Variants in RIMS1 observed in about 807,000 individuals in gnomAD.
RIMS1 encodes the protein regulating synaptic membrane exocytosis protein 1.
RIMS1 carries 83 observed loss-of-function variants against 214.1 expected under a neutral mutation model. The observed-to-expected ratio is 0.39, with a 90% CI of 0.32 to 0.47. The LOEUF (loss-of-function observed/expected upper bound fraction) is 0.47, where lower values mean the gene tolerates loss of function less well. Ranked by LOEUF, RIMS1 falls within the 20% of genes least tolerant of loss-of-function variation. RIMS1 has a pLI of 0.99. For synonymous variants in RIMS1, 793 were observed against 786.8 expected (o/e 1.01, Z -0.13); for missense variants, 2,050 against 2,161.8 (o/e 0.95, Z 1.03).
At position 71,984,364 on chromosome 6, in the gene RIMS1, A is replaced by T. The variant is rs570341928; in HGVS notation, c.245+15301A>T. ...ATCTTTGAAGGAAAAGAAAAAAAAA[A>T]ACTGTACTGCTGGAGCTACACTGTG... On this transcript the variant is annotated intron_variant, in intron 2 of 33. Transcript: ENST00000521978. Among the ~76,000 whole-genome samples the T allele has an allele frequency of 2.2e-4, 34 of 152,218 alleles. No homozygotes were observed. The South Asian group carries it at 6.8e-3, about 31-fold the overall frequency.
At chr6:72,235,788 T>C (rs996259360) in intron 8 of RIMS1, 60 bp downstream of exon 8, 4 of 877,888 alleles carry the variant, frequency 4.6e-6, no homozygotes, top group Admixed American at 3.3e-5. Context: ...TCTGCATTCA[T>C]CGGAGTTTCT....
At chr6:72,321,666 T>C (rs2096174430) in intron 28 of RIMS1, among the ~76,000 whole-genome samples, 1 of 152,120 alleles carries the variant, frequency 6.6e-6, no homozygotes, top group Admixed American at 6.6e-5. Context: ...CTAAGGGATC[T>C]TTTAGGTGTT....
chr6:72,257,611 C>T (rs917657941), intron 16 of RIMS1, among the ~76,000 whole-genome samples: 9 of 151,994 alleles, frequency 5.9e-5, no homozygotes, highest in Non-Finnish European at 1.2e-4. Flanking sequence ...ATCTGCTACT[C>T]TTCTTTGTTA....
At position 71,894,773 on chromosome 6, in the gene RIMS1, C is replaced by G. The variant is rs542041602; in HGVS notation, c.164+7586C>G. ...GTTATTTGTAATATTTTGATAATTC[C>G]TCTGATGTTTAGATAGTAAAATAAG... is the stretch of plus-strand genomic sequence containing the variant. On this transcript the variant is annotated intron_variant, in intron 1 of 33. Coordinates refer to ENST00000521978, the MANE Select transcript of RIMS1 (RefSeq NM_014989.7). Among the ~76,000 whole-genome samples the G allele has an allele frequency of 5.5e-4, 83 of 151,964 alleles. 1 individual carries two copies. Among genetic ancestry groups the G allele is most frequent in the Middle Eastern group, 3.2e-3 (1 of 316 alleles).
chr6:72,398,295 G>A lies in RIMS1; in HGVS notation c.4665G>A (p.Val1555=), dbSNP rs375475877. The A allele has an allele frequency of 4.3e-6, 7 of 1,609,368 alleles. No homozygotes were observed. Among genetic ancestry groups the A allele is most frequent in the African/African-American group, 1.3e-5 (1 of 74,820 alleles). The change falls in exon 32 of 34, where the codon GTG becomes GTA. Residue 1555 remains valine, a synonymous_variant. Transcript: ENST00000521978. The stretch of plus-strand genomic sequence containing the variant: ...AGGACAAAAAGGGCCAATTAGAAGT[G>A]GAAGTCATTAGAGCACGAAGCCTCA... ...GMEDKKGQLE[V]EVIRARSLTQ...
At chr6:72,368,401 A>G in intron 29 of RIMS1, among the ~76,000 whole-genome samples, 1 of 143,562 alleles carries the variant, frequency 7.0e-6, no homozygotes, top group Non-Finnish European at 1.5e-5. Context: ...TCACAGGTTC[A>G]CGCCATTCTC....
chr6:72,200,779 C>T (rs543623996), intron 6 of RIMS1, among the ~76,000 whole-genome samples: 1 of 151,876 alleles, frequency 6.6e-6, no homozygotes, highest in East Asian at 1.9e-4. Flanking sequence ...TTTCTTCTTA[C>T]TGTGGATATG....
chr6:72,262,190 C>T (rs1405286482), intron 19 of RIMS1: 4 of 913,728 alleles, frequency 4.4e-6, no homozygotes, highest in Non-Finnish European at 5.2e-6. Context: ...TTTTTCTTTC[C>T]CTTATTTTGT....
At chr6:72,353,204 C>T (rs1321520836) in intron 29 of RIMS1, among the ~76,000 whole-genome samples, 3 of 151,824 alleles carry the variant, frequency 2.0e-5, no homozygotes, top group East Asian at 1.9e-4. Flanking sequence ...AGGCTGGTCT[C>T]GAACTCCTGA....
intron 2 of RIMS1, among the ~76,000 whole-genome samples, chr6:72,042,681 T>C (rs939250953): frequency 1.3e-5 from 2 of 151,896 alleles, no homozygotes; most frequent in East Asian, 3.9e-4. Flanking sequence ...TTTTCCTCTG[T>C]TGAGGTTAAC....
At chr6:72,057,718 A>G (rs1472233093) in intron 2 of RIMS1, among the ~76,000 whole-genome samples, 1 of 152,060 alleles carries the variant, frequency 6.6e-6, no homozygotes, top group Non-Finnish European at 1.5e-5. Context: ...CGTGTTAACC[A>G]GGATGGTCCC....
chr6:72,153,181 A>G (rs1022280913), intron 4 of RIMS1, among the ~76,000 whole-genome samples: 3 of 149,478 alleles, frequency 2.0e-5, no homozygotes, highest in South Asian at 2.1e-4. Context: ...ATGTCCTCCA[A>G]TAGACCTCAT....
chr6:71,947,309 C>G (rs1223975934), intron 1 of RIMS1, among the ~76,000 whole-genome samples: 4 of 152,056 alleles, frequency 2.6e-5, no homozygotes, highest in Admixed American at 2.0e-4. Flanking sequence ...AACCTCTGTA[C>G]ATGAACAGAT....
intron 2 of RIMS1, among the ~76,000 whole-genome samples, chr6:71,973,110 A>G (rs1490753418): frequency 6.6e-6 from 1 of 152,180 alleles, no homozygotes; most frequent in Non-Finnish European, 1.5e-5. Context: ...GGGTTTCACC[A>G]TGTTGGTCAG....
rs2154092218 is a variant in RIMS1, at chr6:72,235,558, A to G, written c.1747-60A>G. On this transcript the variant is annotated intron_variant, in intron 7 of 33. Transcript: ENST00000521978. ...CTAATGACAAGACTTCATTCTTTTTATAGCTGAATGCATTACATTCTGTAT... is the reference window on the plus strand; with the variant it reads ...CTAATGACAAGACTTCATTCTTTTTGTAGCTGAATGCATTACATTCTGTAT... 6.6e-6 allele frequency: 7 copies of G among 1,053,968 alleles called. No homozygotes were observed. In the South Asian group the frequency reaches 6.9e-5, roughly 10 times the overall value. The allele number at this position is 1,053,968 out of a possible 1,614,324, so 65.3% of individuals were successfully genotyped here. A position where few individuals can be genotyped will look rare whatever the true frequency, so the allele number is the denominator to read the frequency against.
At chr6:71,927,686 G>A (rs1031965146) in intron 1 of RIMS1, among the ~76,000 whole-genome samples, 1 of 151,924 alleles carries the variant, frequency 6.6e-6, no homozygotes, top group Non-Finnish European at 1.5e-5. Flanking sequence ...TAATATTCTG[G>A]CCACATACCA....
At chr6:72,297,807 A>T (rs2094242601) in intron 26 of RIMS1, among the ~76,000 whole-genome samples, 1 of 152,046 alleles carries the variant, frequency 6.6e-6, no homozygotes, top group South Asian at 2.1e-4. Context: ...TTGAAAGAAT[A>T]GAAGCAAGGT....
chr6:72,316,762 A>G, intron 28 of RIMS1: 1 of 682,644 alleles, frequency 1.5e-6, no homozygotes, highest in African/African-American at 1.8e-5. Flanking sequence ...GCCACTCCCT[A>G]GTAGGCAGGG....
At chr6:72,056,335 A>G (rs1004072638) in intron 2 of RIMS1, among the ~76,000 whole-genome samples, 8 of 152,204 alleles carry the variant, frequency 5.3e-5, no homozygotes, top group African/African-American at 1.9e-4. Flanking sequence ...CCTGGGTGAC[A>G]AAATCATCTG....
Sources: allele counts gnomAD v4.1 joint callset (sites outside exome capture counted in the v4.1 genomes callset), GRCh38; gene constraint gnomAD v4.1.1; transcripts MANE v1.5; gene names NCBI Gene and HGNC (gene_info 2026-07-23, HGNC 2026-07-21).